CTBP1: variants seen among roughly 807,000 people sequenced by gnomAD.
CTBP1 encodes the protein C-terminal-binding protein 1.
Under a neutral mutation model 42.1 loss-of-function variants are expected in CTBP1, and 11 were observed. The observed-to-expected ratio is 0.26, with a 90% CI of 0.16 to 0.43. The LOEUF is 0.43. Among genes scored for constraint, CTBP1 ranks in the 20% least tolerant of loss-of-function variants. The pLI is 1.00. For missense variants in CTBP1, 399 were observed against 624.3 expected, an observed-to-expected ratio of 0.64 and a Z score of 3.85; for synonymous variants, 324 against 277.1, an observed-to-expected ratio of 1.17 and a Z score of -1.68.
Position 1,235,722 on chromosome 4 carries a change from T to TTCCCC in CTBP1, c.162+2460_162+2461insGGGGA, listed in dbSNP as rs1731429309. 1 of 152,262 alleles carries TTCCCC rather than the reference T, an allele frequency of 6.6e-6. No homozygotes were observed. The highest frequency in any genetic ancestry group is 6.5e-5 in the Admixed American group (1 of 15,278). 9.4% of individuals were successfully genotyped at this position (152,262 alleles called of 1,614,324 possible). A position where few individuals can be genotyped will look rare whatever the true frequency, so the allele number is the denominator to read the frequency against. On this transcript the variant is annotated intron_variant, in intron 3 of 9. Transcript: ENST00000382952. This position sits in a 1 kb window ranked among gnomAD's most constrained non-coding sequence, Gnocchi z 4.2. ...CACGGGGAGCTCCTGCGGGTGGCAC[T>TTCCCC]GCTTCCCTGGCTTCTGCGTTTTGCG...
intron 7 of CTBP1, 44 bp from the exon 8 acceptor site, chr4:1,213,649 G>C: frequency 6.3e-7 from 1 of 1,596,108 alleles, no homozygotes; most frequent in Non-Finnish European, 8.5e-7. Flanking sequence ...GAGTGCTGTG[G>C]CTGGGTACGG....
chr4:1,221,603 G>A (rs373310871), intron 5 of CTBP1: 1 of 227,716 alleles, frequency 4.4e-6, no homozygotes, highest in Non-Finnish European at 9.1e-6. Flanking sequence ...GAGACCCAGA[G>A]GCATCACCCC....
At chr4:1,250,279 A>C, upstream of CTBP1, 1 of 222,692 alleles carries the variant, frequency 4.5e-6, no homozygotes, top group Non-Finnish European at 9.3e-6. Flanking sequence ...GCCCTCAGCC[A>C]GACCTGCCCT....
chr4:1,231,091 C>G (rs1354968141), intron 3 of CTBP1: 1 of 152,280 alleles, frequency 6.6e-6, no homozygotes, highest in Non-Finnish European at 1.5e-5. Flanking sequence ...CCCCATGCCC[C>G]GACCTCCACC....
At chr4:1,242,523 A>G (rs1369148060) in intron 1 of CTBP1, 3 of 984,710 alleles carry the variant, frequency 3.0e-6, no homozygotes, top group Non-Finnish European at 3.6e-6. Flanking sequence ...CCAACCCTCA[A>G]CTCCCTCTGC....
At chr4:1,241,882 G>A (rs1330887539) in intron 1 of CTBP1, 40 of 1,073,602 alleles carry the variant, frequency 3.7e-5, no homozygotes, top group Non-Finnish European at 4.5e-5. Flanking sequence ...TGTGCTGTGG[G>A]CAGGGAAACT....
intron 1 of CTBP1, among the ~76,000 whole-genome samples, chr4:1,247,919 G>C (rs758079922): frequency 3.9e-5 from 6 of 152,246 alleles, no homozygotes; most frequent in Admixed American, 6.5e-5. Flanking sequence ...CACTGGAAGG[G>C]AATTCTGTCC....
rs1378984937 is a variant in CTBP1 at position 1,248,941 on chromosome 4, G to C, written c.-214C>G. 2 of 1,011,052 alleles carry C rather than the reference G, an allele frequency of 2.0e-6. No homozygotes were observed. Among genetic ancestry groups the C allele is most frequent in the African/African-American group, 1.8e-5 (1 of 56,310 alleles). 62.6% of individuals were successfully genotyped at this position (1,011,052 alleles called of 1,614,324 possible). A position where few individuals can be genotyped will look rare whatever the true frequency, so the allele number is the denominator to read the frequency against. ...CAAGCGGCAGGCCCTTGTTGAGCAAGTGCGAGCTGCCCATCGAGAGGCGCG... is the reference window on the plus strand; with the variant it reads ...CAAGCGGCAGGCCCTTGTTGAGCAACTGCGAGCTGCCCATCGAGAGGCGCG... On this transcript the variant is annotated 5_prime_UTR_variant, in exon 1 of 10. Transcript: ENST00000382952.
intron 3 of CTBP1, chr4:1,236,547 G>A (rs1180598867): frequency 1.6e-6 from 1 of 640,260 alleles, no homozygotes; most frequent in African/African-American, 1.8e-5. Flanking sequence ...TCCACCTCCT[G>A]ATGGGGCTCA....
intron 7 of CTBP1, 88 bp from the exon 8 acceptor site, chr4:1,213,693 G>C (rs1728788129): frequency 6.6e-7 from 1 of 1,506,686 alleles, no homozygotes; most frequent in South Asian, 1.2e-5. Flanking sequence ...ACCCCCTGTG[G>C]GGGGCCCTGC....
chr4:1,243,344 A>T (rs1732388555), intron 1 of CTBP1: 4 of 985,292 alleles, frequency 4.1e-6, no homozygotes, highest in Non-Finnish European at 4.8e-6. Context: ...GAGCTGAGGA[A>T]CCTGTGGCAG....
intron 5 of CTBP1, 67 bp from the exon 6 acceptor site, chr4:1,216,272 C>T (rs769927615): frequency 1.1e-4 from 157 of 1,491,440 alleles, no homozygotes; most frequent in Non-Finnish European, 1.3e-4. Context: ...CCCCGAAAGC[C>T]AGGGTCGGAG....
chr4:1,216,465 C>A, intron 5 of CTBP1: 1 of 585,012 alleles, frequency 1.7e-6, no homozygotes, highest in Non-Finnish European at 3.1e-6. Context: ...CAGCTGCCAG[C>A]CACACCACTC....
intron 1 of CTBP1, among the ~76,000 whole-genome samples, chr4:1,246,216 G>T (rs1322756236): frequency 1.3e-5 from 2 of 152,098 alleles, no homozygotes; most frequent in African/African-American, 4.8e-5. Flanking sequence ...GACACTCCCG[G>T]CACAGAGCTC....
Position 1,214,373 on chromosome 4 carries a change from G to A in CTBP1, c.830C>T (p.Ala277Val). Residue 277 changes from alanine to valine, a missense_variant, in exon 7 of 10, where the codon GCC (alanine) becomes GTC (valine). By Grantham distance (64) the Ala-to-Val change is moderately conservative. Transcript: ENST00000382952. The stretch of plus-strand genomic sequence containing the variant: ...GGGTTCCGACTCGTGCACATCCAGG[G>A]CCGCGCCGCGGATCCGGCCCTCCTT... ...ALKEGRIRGA[A>V]LDVHESEPFS... The A allele has an allele frequency of 6.4e-7, 1 of 1,566,490 alleles. No individual in the cohort carries two copies. The highest frequency in any genetic ancestry group is 8.6e-7 in the Non-Finnish European group (1 of 1,162,050).
rs1328982130 is a variant in CTBP1, at chr4:1,211,655, GC to G, written c.*584del. 6.6e-6 allele frequency: 1 copy of G among 152,394 alleles called. No individual in the cohort carries two copies. The highest frequency in any genetic ancestry group is 1.5e-5 in the Non-Finnish European group (1 of 68,044). The allele number at this position is 152,394 out of a possible 1,614,324, so 9.4% of individuals were successfully genotyped here. On this transcript the variant is annotated 3_prime_UTR_variant, in exon 10 of 10. Coordinates refer to ENST00000382952, the MANE Select transcript of CTBP1 (RefSeq NM_001012614.2). Reference sequence around the variant, plus strand: ...CGCCCAAGCTTTTCCTTTTGGAGCTGCTTCGTGATGCCGTCTTCATTTGGAA... The same window carrying G: ...CGCCCAAGCTTTTCCTTTTGGAGCTGTTCGTGATGCCGTCTTCATTTGGAA...
At chr4:1,239,066 G>T (rs1731882605) in intron 2 of CTBP1, among the ~76,000 whole-genome samples, 1 of 152,204 alleles carries the variant, frequency 6.6e-6, no homozygotes. Context: ...CAGAACAAAG[G>T]AAGAAAAGGG....
intron 5 of CTBP1, among the ~76,000 whole-genome samples, chr4:1,222,517 G>A (rs1729856826): frequency 6.6e-6 from 1 of 152,144 alleles, no homozygotes; most frequent in Admixed American, 6.5e-5. Flanking sequence ...AACGCCCATG[G>A]TAAACCCCCA....
intron 6 of CTBP1, 53 bp from the exon 7 acceptor site, chr4:1,214,526 C>G: frequency 6.6e-7 from 1 of 1,510,554 alleles, no homozygotes; most frequent in Non-Finnish European, 8.8e-7. Flanking sequence ...ACAGGGCGGG[C>G]AGCCAGGGAA....
Sources: gnomAD v4.1 joint callset for allele counts (sites outside exome capture counted in the v4.1 genomes callset) on GRCh38, gnomAD v4.1.1 for gene constraint, Gnocchi (gnomAD v3.1) non-coding constraint, MANE v1.5 for transcripts, NCBI Gene and HGNC (gene_info 2026-07-23, HGNC 2026-07-21) for gene names.